LYSMD2: variants seen among roughly 807,000 people sequenced by gnomAD.
LYSMD2 encodes the protein lysM and putative peptidoglycan-binding domain-containing protein 2.
Under a neutral mutation model 17.7 loss-of-function variants are expected in LYSMD2, and 6 were observed. That is an observed-to-expected ratio of 0.34 (90% CI 0.19 to 0.67). The LOEUF (loss-of-function observed/expected upper bound fraction) is 0.67. Ranked by LOEUF, LYSMD2 falls within the 30% of genes least tolerant of loss-of-function variation. The pLI is 0.69. For synonymous variants in LYSMD2, 102 were observed against 129.8 expected, an observed-to-expected ratio of 0.79 and a Z score of 1.45; for missense variants, 237 against 286.7, an observed-to-expected ratio of 0.83 and a Z score of 1.25.
chr15:51,738,838 C>T (rs957716048), upstream of LYSMD2, among the ~76,000 whole-genome samples: 1 of 152,186 alleles, frequency 6.6e-6, no homozygotes, highest in Non-Finnish European at 1.5e-5. Flanking sequence ...CTGGGGACAA[C>T]AGCATTACTA....
At position 51,728,869 on chromosome 15, in the gene LYSMD2, C is replaced by CA. The variant is rs35471211; in HGVS notation, c.274-3749dup. 1.8e-3 allele frequency among the ~76,000 whole-genome samples: 255 copies of CA among 138,586 alleles called. 1 individual carries two copies. Among genetic ancestry groups the CA allele is most frequent in the African/African-American group, 4.5e-3 (166 of 37,006 alleles). 90.9% of individuals were successfully genotyped at this position (138,586 alleles called of 152,430 possible). On this transcript the variant is annotated intron_variant, in intron 1 of 2. Coordinates refer to ENST00000267838, the MANE Select transcript of LYSMD2 (RefSeq NM_153374.3). ...TGGGTGACAGAGTGAGACTCCATCT[C>CA]AAAAAAAAAAAAAAATTTGTTTCTC...
upstream of LYSMD2, among the ~76,000 whole-genome samples, chr15:51,741,339 T>C (rs1209502378): frequency 6.6e-6 from 1 of 152,240 alleles, no homozygotes; most frequent in Admixed American, 6.5e-5. Context: ...CCCTGTCTTA[T>C]ACTACACATC....
At chr15:51,748,332 A>C (rs2055679220) in intron 1 of LYSMD2, among the ~76,000 whole-genome samples, 1 of 151,252 alleles carries the variant, frequency 6.6e-6, no homozygotes, top group African/African-American at 2.4e-5. Context: ...AAACTTGGCC[A>C]TAGTCATTGT....
chr15:51,737,315 T>C lies in LYSMD2; in HGVS notation c.273+35A>G. 2 of 1,168,222 alleles carry C rather than the reference T, an allele frequency of 1.7e-6. No individual in the cohort carries two copies. The highest frequency in any genetic ancestry group is 2.1e-6 in the Non-Finnish European group (2 of 939,272). 72.4% of individuals were successfully genotyped at this position (1,168,222 alleles called of 1,614,324 possible). ...GCCGCACCGCCTCCTGCGCGGTAGC[T>C]GCCAGCCCGGGCCGCGGCGGCGCGC... On this transcript the variant is annotated intron_variant, in intron 1 of 2. Coordinates refer to ENST00000267838, the MANE Select transcript of LYSMD2 (RefSeq NM_153374.3). The surrounding 1 kb of genome is among the most constrained non-coding windows in gnomAD (Gnocchi z 4.2).
intron 1 of LYSMD2, among the ~76,000 whole-genome samples, chr15:51,730,487 G>C (rs1482334858): frequency 6.6e-6 from 1 of 152,168 alleles, no homozygotes; most frequent in Non-Finnish European, 1.5e-5. Flanking sequence ...CTGCGCTCCA[G>C]GTCAGGTGAC....
chr15:51,744,435 T>C (rs2141602992), intron 1 of LYSMD2, among the ~76,000 whole-genome samples: 1 of 152,154 alleles, frequency 6.6e-6, no homozygotes, highest in South Asian at 2.1e-4. Context: ...GTTGATGTGA[T>C]AGATTATATT....
chr15:51,745,721 C>T (rs2055664862), intron 1 of LYSMD2, among the ~76,000 whole-genome samples: 1 of 152,032 alleles, frequency 6.6e-6, no homozygotes, highest in Admixed American at 6.6e-5. Flanking sequence ...GCACTTGTGT[C>T]TAGAACATAT....
In LYSMD2 at chr15:51,728,381, T is replaced by C. The variant is rs943103089; in HGVS notation, c.274-3260A>G. On this transcript the variant is annotated intron_variant, in intron 1 of 2. Transcript: ENST00000267838. The stretch of plus-strand genomic sequence containing the variant: ...TTGCACTGAGCCGAGATCACAACAT[T>C]GTACTCCAGGAGAAAACACACACAC... Among the ~76,000 whole-genome samples the C allele has an allele frequency of 3.4e-5, 5 of 146,038 alleles. 1 individual carries two copies. The highest frequency in any genetic ancestry group is 1.0e-4 in the African/African-American group (4 of 39,396).
chr15:51,727,638 G>A (rs1312755335), intron 1 of LYSMD2, among the ~76,000 whole-genome samples: 1 of 152,200 alleles, frequency 6.6e-6, no homozygotes, highest in Non-Finnish European at 1.5e-5. Context: ...GGCCTACAGA[G>A]GACTAGACAA....
intron 1 of LYSMD2, among the ~76,000 whole-genome samples, chr15:51,734,411 A>T (rs2141597249): frequency 6.6e-6 from 1 of 152,150 alleles, no homozygotes; most frequent in East Asian, 1.9e-4. Context: ...CCAGCTTGTT[A>T]CCCTTGTAAT....
At chr15:51,748,569 C>G (rs1024446287) in intron 1 of LYSMD2, among the ~76,000 whole-genome samples, 2 of 152,154 alleles carry the variant, frequency 1.3e-5, no homozygotes, top group African/African-American at 4.8e-5. Flanking sequence ...ATTGACTCAA[C>G]AATAAGGTTA....
chr15:51,729,435 T>G (rs1430502259), intron 1 of LYSMD2, among the ~76,000 whole-genome samples: 1 of 152,160 alleles, frequency 6.6e-6, no homozygotes. Context: ...GATGTTTTCT[T>G]TTGCTTTGGT....
chr15:51,750,969 G>T (rs1276008026), intron 1 of LYSMD2, among the ~76,000 whole-genome samples: 3 of 152,196 alleles, frequency 2.0e-5, no homozygotes, highest in Admixed American at 6.5e-5. Flanking sequence ...AACTTTCACT[G>T]AGTATGCACT....
chr15:51,738,460 G>A (rs755894259), upstream of LYSMD2, among the ~76,000 whole-genome samples: 5 of 152,124 alleles, frequency 3.3e-5, no homozygotes, highest in Non-Finnish European at 5.9e-5. Context: ...TTTATTCTTT[G>A]ACACCCTGAA....
chr15:51,742,851 A>G (rs1434462523), intron 1 of LYSMD2, among the ~76,000 whole-genome samples: 2 of 152,276 alleles, frequency 1.3e-5, no homozygotes, highest in East Asian at 3.9e-4. Flanking sequence ...AGTCTCAACT[A>G]CTCACAAGGC....
chr15:51,733,625 C>T (rs2055590398), intron 1 of LYSMD2, among the ~76,000 whole-genome samples: 1 of 152,046 alleles, frequency 6.6e-6, no homozygotes, highest in Non-Finnish European at 1.5e-5. Context: ...GAATCAGCTC[C>T]ATCATTCGCC....
At chr15:51,746,586 T>G (rs1429389129) in intron 1 of LYSMD2, among the ~76,000 whole-genome samples, 1 of 152,142 alleles carries the variant, frequency 6.6e-6, no homozygotes, top group African/African-American at 2.4e-5. Flanking sequence ...ACTGTGCATT[T>G]TAAAAAGGTG....
Position 51,737,611 on chromosome 15 carries a change from G to A in LYSMD2, c.12C>T (p.Ser4=). 8.3e-7 allele frequency: 1 copy of A among 1,210,440 alleles called. No homozygotes were observed. Among genetic ancestry groups the A allele is most frequent in the Non-Finnish European group, 1.0e-6 (1 of 974,972 alleles). The allele number at this position is 1,210,440 out of a possible 1,614,324, so 75.0% of individuals were successfully genotyped here. A position where few individuals can be genotyped will look rare whatever the true frequency, so the allele number is the denominator to read the frequency against. Residue 4 remains serine (S), a synonymous_variant, in exon 1 of 3, where the codon TCC becomes TCT. Transcript: ENST00000267838. The surrounding 1 kb of genome is among the most constrained non-coding windows in gnomAD (Gnocchi z 4.2). MAD[S]SPALSLREGG... The stretch of plus-strand genomic sequence containing the variant: ...CTTCCCGCAGGGACAGTGCGGGCGA[G>A]GAATCCGCCATGGGTCCTGCCGAGG...
chr15:51,740,599 C>CAG (rs35016679), upstream of LYSMD2, among the ~76,000 whole-genome samples: 73,056 of 151,880 alleles, frequency 0.48, 17,812 homozygotes, highest in Admixed American at 0.55. Context: ...ATAGGCAACA[C>CAG]ATAATGAATA....
Sources: gnomAD v4.1 joint callset for allele counts (sites outside exome capture counted in the v4.1 genomes callset) on GRCh38, gnomAD v4.1.1 for gene constraint, Gnocchi (gnomAD v3.1) non-coding constraint, MANE v1.5 for transcripts, NCBI Gene and HGNC (gene_info 2026-07-23, HGNC 2026-07-21) for gene names.